ABCC4: variants seen among roughly 807,000 people sequenced by gnomAD.
ABCC4 encodes the protein ATP binding cassette subfamily C member 4 (PEL blood group).
ABCC4 carries 102 observed loss-of-function variants against 168.5 expected under a neutral mutation model. The ratio of observed to expected loss-of-function variants is 0.61; its 90% CI spans 0.52 to 0.71. The LOEUF is 0.71. ABCC4 is among the 30% of genes least tolerant of loss of function. ABCC4 has a pLI of 0.00. For synonymous variants in ABCC4, 617 were observed against 590.7 expected, an observed-to-expected ratio of 1.04 and a Z score of -0.65; for missense variants, 1,402 against 1,605.8, an observed-to-expected ratio of 0.87 and a Z score of 2.17.
At chr13:95,055,083 T>C (rs1230871958) in intron 26 of ABCC4, among the ~76,000 whole-genome samples, 9 of 152,168 alleles carry the variant, frequency 5.9e-5, no homozygotes, top group South Asian at 2.1e-4. Flanking sequence ...TGTTTCTGAA[T>C]TACCAAATGG....
At chr13:95,279,598 G>A (rs980387142) in intron 1 of ABCC4, among the ~76,000 whole-genome samples, 17 of 152,220 alleles carry the variant, frequency 1.1e-4, no homozygotes, top group African/African-American at 4.1e-4. Flanking sequence ...GAAGTGGGGA[G>A]CAGAGAGGAA....
intron 9 of ABCC4, among the ~76,000 whole-genome samples, chr13:95,189,804 C>T (rs2038198008): frequency 1.3e-5 from 2 of 152,138 alleles, no homozygotes; most frequent in South Asian, 4.1e-4. Context: ...ACACCTGCAG[C>T]TTGTGTTACC....
At chr13:95,115,038 T>C (rs566282635) in intron 20 of ABCC4, among the ~76,000 whole-genome samples, 2 of 152,230 alleles carry the variant, frequency 1.3e-5, no homozygotes, top group South Asian at 2.1e-4. Context: ...TTGGAATATG[T>C]ATAGCTTTTA....
chr13:95,185,912 T>C (rs2038042838), intron 11 of ABCC4, among the ~76,000 whole-genome samples: 1 of 152,026 alleles, frequency 6.6e-6, no homozygotes. Flanking sequence ...AATAATAAAT[T>C]GCACTGTAAA....
intron 1 of ABCC4, among the ~76,000 whole-genome samples, chr13:95,277,461 A>T (rs2041000233): frequency 6.6e-6 from 1 of 151,754 alleles, no homozygotes; most frequent in Non-Finnish European, 1.5e-5. Context: ...GGCGCCTGTA[A>T]TCTCAGTTAT....
At chr13:95,172,101 T>C (rs1334847727) in intron 13 of ABCC4, among the ~76,000 whole-genome samples, 6 of 152,316 alleles carry the variant, frequency 3.9e-5, no homozygotes, top group East Asian at 3.9e-4. Context: ...GATGAGATAA[T>C]AGAAATAATT....
chr13:95,203,801 C>G (rs1056799053), intron 8 of ABCC4, among the ~76,000 whole-genome samples: 1 of 152,134 alleles, frequency 6.6e-6, no homozygotes, highest in Non-Finnish European at 1.5e-5. Flanking sequence ...AAATCCAGCT[C>G]CCCAGAGTTA....
chr13:95,213,512 A>G (rs1033441174), intron 4 of ABCC4, among the ~76,000 whole-genome samples: 3 of 152,214 alleles, frequency 2.0e-5, no homozygotes, highest in East Asian at 1.9e-4. Context: ...CTTCATAAGC[A>G]GGGCCAGACT....
intron 13 of ABCC4, 79 bp downstream of exon 13, chr13:95,177,628 A>C: frequency 8.5e-7 from 1 of 1,172,220 alleles, no homozygotes; most frequent in South Asian, 1.4e-5. Context: ...GGATGAGCTG[A>C]AAGCCATAAA....
chr13:95,295,884 T>C (rs1338161590), intron 1 of ABCC4, among the ~76,000 whole-genome samples: 1 of 150,794 alleles, frequency 6.6e-6, no homozygotes, highest in Non-Finnish European at 1.5e-5. Context: ...GGAGAATCAC[T>C]TGAACCCAGG....
intron 26 of ABCC4, 87 bp from the exon 27 acceptor site, chr13:95,053,271 C>A: frequency 2.0e-6 from 2 of 1,014,118 alleles, no homozygotes; most frequent in Non-Finnish European, 1.5e-6. Context: ...AATTAAGATA[C>A]CAAAAAATAA....
At chr13:95,165,607 G>T (rs1216697676) in intron 15 of ABCC4, among the ~76,000 whole-genome samples, 1 of 152,182 alleles carries the variant, frequency 6.6e-6, no homozygotes, top group Non-Finnish European at 1.5e-5. Flanking sequence ...GGTAAAGAAG[G>T]AAGTTGGGCT....
chr13:95,289,822 C>T (rs1197614515), intron 1 of ABCC4, among the ~76,000 whole-genome samples: 2 of 152,068 alleles, frequency 1.3e-5, no homozygotes, highest in Non-Finnish European at 2.9e-5. Context: ...ATGTGCGGGG[C>T]GCGGTGGCTC....
intron 11 of ABCC4, among the ~76,000 whole-genome samples, chr13:95,181,143 C>A (rs2037875089): frequency 6.6e-6 from 1 of 152,248 alleles, no homozygotes; most frequent in Non-Finnish European, 1.5e-5. Context: ...ACCACCTTTA[C>A]TGAAATGCAG....
intron 27 of ABCC4, among the ~76,000 whole-genome samples, chr13:95,046,536 A>G (rs1467380318): frequency 6.6e-6 from 1 of 152,136 alleles, no homozygotes; most frequent in African/African-American, 2.4e-5. Flanking sequence ...AGGCTGGGGC[A>G]GGCAGATCAT....
intron 1 of ABCC4, among the ~76,000 whole-genome samples, chr13:95,264,047 A>G (rs1164791805): frequency 6.6e-6 from 1 of 152,196 alleles, no homozygotes; most frequent in East Asian, 1.9e-4. Flanking sequence ...AGGACCCAGG[A>G]GCTCCCACTG....
At chr13:95,233,333 A>AAG (rs10686047) in intron 4 of ABCC4, among the ~76,000 whole-genome samples, 1 of 151,538 alleles carries the variant, frequency 6.6e-6, no homozygotes, top group African/African-American at 2.4e-5. Context: ...AAAAAAAAAA[A>AAG]TCATGTCCTT....
intron 19 of ABCC4, among the ~76,000 whole-genome samples, chr13:95,150,737 T>C (rs1188058813): frequency 2.0e-5 from 3 of 152,144 alleles, no homozygotes; most frequent in Non-Finnish European, 4.4e-5. Context: ...CGTGTACAGG[T>C]ACTTGTAAAG....
At position 95,096,150 on chromosome 13, in the gene ABCC4, C is replaced by A. The variant is rs1473645684; in HGVS notation, c.2536-12860G>T. 5 of 635,336 alleles carry A rather than the reference C, an allele frequency of 7.9e-6. No homozygotes were observed. The Admixed American group carries it at 1.3e-4, about 16-fold the overall frequency. The allele number at this position is 635,336 out of a possible 1,614,324, so 39.4% of individuals were successfully genotyped here. The stretch of plus-strand genomic sequence containing the variant: ...TTGCTTGAGCCTAGGAGTTTGAGAC[C>A]AGCCAGGACAACACAGCGAGATCCC... On this transcript the variant is annotated intron_variant, in intron 20 of 30. Coordinates refer to ENST00000645237, the MANE Select transcript of ABCC4 (RefSeq NM_005845.5).
Sources: allele counts gnomAD v4.1 joint callset (sites outside exome capture counted in the v4.1 genomes callset), GRCh38; gene constraint gnomAD v4.1.1; transcripts MANE v1.5; gene names NCBI Gene and HGNC (gene_info 2026-07-23, HGNC 2026-07-21).